The following EXOC6 variants were observed in gnomAD, a reference collection of about 807,000 sequenced individuals.
EXOC6 encodes exocyst complex component 6.
A neutral mutation model predicts 112.5 loss-of-function variants in EXOC6; 60 were observed. The ratio of observed to expected loss-of-function variants is 0.53; its 90% confidence interval spans 0.43 to 0.66. The LOEUF (loss-of-function observed/expected upper bound fraction) is 0.66. Ranked by LOEUF, EXOC6 falls within the 30% of genes least tolerant of loss-of-function variation. EXOC6 has a pLI of 0.00. For missense variants in EXOC6, 855 were observed against 957.1 expected (o/e 0.89, Z 1.41); for synonymous variants, 295 against 308.0 (o/e 0.96, Z 0.44).
chr10:93,051,581 TGTG>T (rs1590117008), intron 20 of EXOC6, among the ~76,000 whole-genome samples: 1 of 152,214 alleles, frequency 6.6e-6, no homozygotes, highest in Admixed American at 6.5e-5. Context: ...GTTTTCCAAA[TGTG>T]GTGTTTTTAG....
chr10:92,957,403 A>G (rs1176517397), intron 17 of EXOC6, among the ~76,000 whole-genome samples: 1 of 152,196 alleles, frequency 6.6e-6, no homozygotes, highest in Non-Finnish European at 1.5e-5. Flanking sequence ...ACTGGAACAC[A>G]ATGTTCTTAG....
Position 92,970,327 on chromosome 10 carries a change from C to G in EXOC6, c.1774-3726C>G, listed in dbSNP as rs141410942. 2.4e-3 allele frequency among the ~76,000 whole-genome samples: 366 copies of G among 152,294 alleles called. 2 individuals are homozygous for G. Among genetic ancestry groups the G allele is most frequent in the Non-Finnish European group, 2.7e-3 (181 of 68,022 alleles). Reference sequence around the variant, plus strand: ...TACCCTAAACAATACAGTGTGACAACTATTTACATAGCATTTACATTGTAG... The same window carrying G: ...TACCCTAAACAATACAGTGTGACAAGTATTTACATAGCATTTACATTGTAG... On this transcript the variant is annotated intron_variant, in intron 17 of 21. Coordinates refer to ENST00000260762, the MANE Select transcript of EXOC6 (RefSeq NM_019053.6).
chr10:92,870,158 T>C (rs1848380090), intron 1 of EXOC6, among the ~76,000 whole-genome samples: 1 of 152,078 alleles, frequency 6.6e-6, no homozygotes, highest in South Asian at 2.1e-4. Context: ...TTCACCATGT[T>C]GGCCAGGTTG....
intron 20 of EXOC6, among the ~76,000 whole-genome samples, chr10:93,052,676 C>G (rs1167393898): frequency 6.6e-6 from 1 of 152,186 alleles, no homozygotes; most frequent in Non-Finnish European, 1.5e-5. Flanking sequence ...ATCATCTGTA[C>G]TTTGCTTACT....
chr10:92,921,545 G>T (rs1006634129), intron 8 of EXOC6, among the ~76,000 whole-genome samples: 2 of 151,852 alleles, frequency 1.3e-5, no homozygotes, highest in African/African-American at 4.8e-5. Context: ...ACCTAGCCCA[G>T]CCTATTTTCT....
intron 15 of EXOC6, among the ~76,000 whole-genome samples, chr10:92,954,007 G>A (rs1378743641): frequency 1.3e-5 from 2 of 152,240 alleles, no homozygotes; most frequent in African/African-American, 2.4e-5. Context: ...GGGGCTGGGC[G>A]CGGTGCCTGA....
At chr10:92,975,772 C>A (rs1164982626) in intron 18 of EXOC6, among the ~76,000 whole-genome samples, 1 of 133,048 alleles carries the variant, frequency 7.5e-6, no homozygotes, top group Non-Finnish European at 1.6e-5. Context: ...GGGCCAGCCG[C>A]CCCATCCGGG....
upstream of EXOC6, among the ~76,000 whole-genome samples, chr10:92,832,061 A>G (rs1277979140): frequency 6.6e-6 from 1 of 152,196 alleles, no homozygotes; most frequent in Non-Finnish European, 1.5e-5. Context: ...CTTCTCTTCA[A>G]TGTAATATAG....
At chr10:92,871,490 C>T (rs1296253285) in intron 1 of EXOC6, among the ~76,000 whole-genome samples, 3 of 141,926 alleles carry the variant, frequency 2.1e-5, no homozygotes, top group African/African-American at 8.0e-5. Flanking sequence ...CAGAACAAGA[C>T]CCTGTCTCAA....
chr10:92,974,269 G>C, intron 18 of EXOC6, 37 bp downstream of exon 18: 1 of 1,390,470 alleles, frequency 7.2e-7, no homozygotes, highest in Non-Finnish European at 9.6e-7. Flanking sequence ...TTTTATGTTT[G>C]CTTACTAAAG....
At chr10:92,901,754 T>G (rs1388710403) in intron 5 of EXOC6, 1 of 151,022 alleles carries the variant, frequency 6.6e-6, no homozygotes, top group Non-Finnish European at 1.5e-5. Flanking sequence ...TCTCAGCACT[T>G]TGGGAGGCTA....
At chr10:92,926,228 A>G (rs1245011546) in intron 8 of EXOC6, among the ~76,000 whole-genome samples, 2 of 152,032 alleles carry the variant, frequency 1.3e-5, no homozygotes, top group East Asian at 3.9e-4. Flanking sequence ...GGCCATTTGC[A>G]TCAGTTTAGT....
chr10:93,010,649 A>G (rs1844194809), intron 19 of EXOC6, among the ~76,000 whole-genome samples: 1 of 151,200 alleles, frequency 6.6e-6, no homozygotes, highest in Non-Finnish European at 1.5e-5. Flanking sequence ...TAGTGAGCCA[A>G]GATTGCGCCA....
At chr10:92,970,751 G>A (rs890611623) in intron 17 of EXOC6, among the ~76,000 whole-genome samples, 2 of 152,212 alleles carry the variant, frequency 1.3e-5, no homozygotes, top group Admixed American at 6.5e-5. Context: ...TCGAATTCTT[G>A]TTCTAATCCT....
intron 9 of EXOC6, among the ~76,000 whole-genome samples, chr10:92,933,860 AATAC>A (rs988209868): frequency 2.0e-5 from 3 of 152,156 alleles, no homozygotes; most frequent in African/African-American, 4.8e-5. Flanking sequence ...AGGATGGTAT[AATAC>A]ATAGTCAAAG....
chr10:92,835,125 A>G (rs1846623571), intron 1 of EXOC6, among the ~76,000 whole-genome samples: 2 of 152,198 alleles, frequency 1.3e-5, no homozygotes, highest in African/African-American at 4.8e-5. Flanking sequence ...GTTTTCTTTA[A>G]CATATCACTT....
chr10:92,976,527 G>C (rs936527517), intron 18 of EXOC6, among the ~76,000 whole-genome samples: 1 of 151,524 alleles, frequency 6.6e-6, no homozygotes, highest in African/African-American at 2.4e-5. Flanking sequence ...CAAACACTGC[G>C]GAAGGCCGCA....
intron 20 of EXOC6, among the ~76,000 whole-genome samples, chr10:93,029,995 G>C (rs1845201874): frequency 6.6e-6 from 1 of 150,640 alleles, no homozygotes; most frequent in African/African-American, 2.4e-5. Context: ...TGCAACCTCT[G>C]CCTCCCAGGT....
chr10:92,836,239 G>T (rs1200657605), intron 1 of EXOC6, among the ~76,000 whole-genome samples: 8 of 152,192 alleles, frequency 5.3e-5, no homozygotes, highest in African/African-American at 1.9e-4. Context: ...AACATCTACA[G>T]ACTTTGTCTG....
Sources: allele counts gnomAD v4.1 joint callset (sites outside exome capture counted in the v4.1 genomes callset), GRCh38; gene constraint gnomAD v4.1.1; transcripts MANE v1.5; gene names NCBI Gene and HGNC (gene_info 2026-07-23, HGNC 2026-07-21).